The following ABCC4 variants were observed in gnomAD, a reference collection of about 807,000 sequenced individuals.
ABCC4 encodes the protein ATP-binding cassette sub-family C member 4.
Under a neutral mutation model 168.5 loss-of-function variants are expected in ABCC4, and 102 were observed. The ratio of observed to expected loss-of-function variants is 0.61; its 90% CI spans 0.52 to 0.71. ABCC4 has a LOEUF of 0.71. Among genes scored for constraint, ABCC4 ranks in the 30% least tolerant of loss-of-function variants. The probability of loss-of-function intolerance (pLI) is 0.00; values close to 1 mark genes in which losing one functional copy is unlikely to be tolerated. For missense variants in ABCC4, 1,402 were observed against 1,605.8 expected, an observed-to-expected ratio of 0.87 and a Z score of 2.17; for synonymous variants, 617 against 590.7, an observed-to-expected ratio of 1.04 and a Z score of -0.65.
At chr13:95,142,904 T>C (rs964539109) in intron 19 of ABCC4, among the ~76,000 whole-genome samples, 2 of 152,050 alleles carry the variant, frequency 1.3e-5, no homozygotes. Context: ...AAAAATATAA[T>C]AATAAGAAGA....
In ABCC4 at chr13:95,019,963, A is replaced by G. The variant is rs1465621270; in HGVS notation, c.*1612T>C. On this transcript the variant is annotated 3_prime_UTR_variant, in exon 31 of 31. Transcript: ENST00000645237. ...CTCAAAAGTCCAAATAAACATATAG[A>G]CATTTTGAATATAGCTATCGTTTTA... is the stretch of plus-strand genomic sequence containing the variant. 6.6e-6 allele frequency: 1 copy of G among 152,250 alleles called. No homozygotes were observed. Among genetic ancestry groups the G allele is most frequent in the East Asian group, 1.9e-4 (1 of 5,202 alleles). 9.4% of individuals were successfully genotyped at this position (152,250 alleles called of 1,614,324 possible). A position where few individuals can be genotyped will look rare whatever the true frequency, so the allele number is the denominator to read the frequency against.
chr13:95,021,376 A>G lies in ABCC4; in HGVS notation c.*199T>C, dbSNP rs1413082189. On this transcript the variant is annotated 3_prime_UTR_variant, in exon 31 of 31. Transcript: ENST00000645237. ...CCTCTGATTTGGATTTTAAAAAACA[A>G]CTATTGACATTTAAATAAAAATAAA... 21 of 514,238 alleles carry G rather than the reference A, an allele frequency of 4.1e-5. No homozygotes were observed. The highest frequency in any genetic ancestry group is 7.2e-5 in the Admixed American group (2 of 27,698). The allele number at this position is 514,238 out of a possible 1,614,324, so 31.9% of individuals were successfully genotyped here. A position where few individuals can be genotyped will look rare whatever the true frequency, so the allele number is the denominator to read the frequency against.
At chr13:95,155,437 C>T (rs1320544795) in intron 19 of ABCC4, among the ~76,000 whole-genome samples, 1 of 151,972 alleles carries the variant, frequency 6.6e-6, no homozygotes, top group Non-Finnish European at 1.5e-5. Flanking sequence ...TACTAGCATT[C>T]GCATTCCATA....
intron 4 of ABCC4, among the ~76,000 whole-genome samples, chr13:95,221,301 T>C (rs1353234264): frequency 6.6e-6 from 1 of 152,188 alleles, no homozygotes; most frequent in Non-Finnish European, 1.5e-5. Flanking sequence ...CAATCATGGC[T>C]CACTGAAGCC....
intron 26 of ABCC4, among the ~76,000 whole-genome samples, chr13:95,059,960 A>C (rs2033222126): frequency 6.6e-6 from 1 of 152,228 alleles, no homozygotes; most frequent in South Asian, 2.1e-4. Context: ...AAGTGACTTC[A>C]TTGAGGTCAC....
chr13:95,236,229 T>C (rs2039763934), intron 3 of ABCC4, among the ~76,000 whole-genome samples: 1 of 152,140 alleles, frequency 6.6e-6, no homozygotes, highest in African/African-American at 2.4e-5. Flanking sequence ...TCATTGCAAA[T>C]CCAGGTCACC....
rs140835394 is a variant in ABCC4, at chr13:95,188,517, C to A, written c.1289G>T (p.Gly430Val). ...GCCAGGTCTGACAGTAAAGGAAAGG[C>A]CTTGTAGAGTTGGGGTCTCTGATGC... ...DKASETPTLQ[G>V]LSFTVRPGEL... is the part of the protein sequence containing the mutation. Residue 430 changes from glycine (G) to valine (V), a missense_variant, in exon 10 of 31, where the codon GGC becomes GTC. Gly to Val is a moderately radical substitution (Grantham distance 109). Around this residue, in one of 3 missense-constraint regions of ABCC4, gnomAD observed 1,007 missense variants for 1,127.3 expected, o/e 0.89. Transcript: ENST00000645237. The A allele has an allele frequency of 1.9e-6, 3 of 1,613,530 alleles. No individual in the cohort carries two copies. Among genetic ancestry groups the A allele is most frequent in the Non-Finnish European group, 2.5e-6 (3 of 1,179,558 alleles).
intron 19 of ABCC4, among the ~76,000 whole-genome samples, chr13:95,159,131 AT>A (rs1300801362): frequency 9.2e-5 from 12 of 130,318 alleles, no homozygotes; most frequent in African/African-American, 3.2e-4. Flanking sequence ...ATATATATAT[AT>A]AACTATTGAA....
intron 1 of ABCC4, among the ~76,000 whole-genome samples, chr13:95,285,720 G>A (rs1176164574): frequency 6.6e-6 from 1 of 152,106 alleles, no homozygotes; most frequent in Non-Finnish European, 1.5e-5. Context: ...GTGTGATCAG[G>A]GGAAAGGCAT....
chr13:95,125,333 C>T (rs990394614), intron 19 of ABCC4, among the ~76,000 whole-genome samples: 9 of 152,160 alleles, frequency 5.9e-5, no homozygotes, highest in African/African-American at 2.2e-4. Flanking sequence ...CCAAAGCAGC[C>T]GCTGACAGCC....
chr13:95,093,553 A>C (rs2034501405), intron 20 of ABCC4, among the ~76,000 whole-genome samples: 1 of 152,190 alleles, frequency 6.6e-6, no homozygotes, highest in Admixed American at 6.5e-5. Flanking sequence ...CAATGTAATA[A>C]AAGCCATCTA....
chr13:95,159,940 C>T (rs909415190), intron 19 of ABCC4, among the ~76,000 whole-genome samples: 1 of 152,190 alleles, frequency 6.6e-6, no homozygotes, highest in Non-Finnish European at 1.5e-5. Flanking sequence ...CACTAACATT[C>T]GTTAGGCACT....
intron 8 of ABCC4, among the ~76,000 whole-genome samples, chr13:95,204,963 C>T (rs2038738942): frequency 6.6e-6 from 1 of 152,200 alleles, no homozygotes; most frequent in Non-Finnish European, 1.5e-5. Flanking sequence ...GCACAATACA[C>T]ATGTGGCCCT....
At chr13:95,215,755 C>T (rs4773847) in intron 4 of ABCC4, among the ~76,000 whole-genome samples, 113,409 of 152,122 alleles carry the variant, frequency 0.75, 43,081 homozygotes, top group Non-Finnish European at 0.84. Flanking sequence ...TCAAAGATGA[C>T]ATCATAAGGG....
At chr13:95,292,917 G>A (rs906275065) in intron 1 of ABCC4, among the ~76,000 whole-genome samples, 1 of 152,166 alleles carries the variant, frequency 6.6e-6, no homozygotes. Flanking sequence ...GGCTGGAAGT[G>A]GGAGAAGCAA....
chr13:95,195,659 G>C (rs963407146), intron 8 of ABCC4, among the ~76,000 whole-genome samples: 1 of 152,040 alleles, frequency 6.6e-6, no homozygotes, highest in African/African-American at 2.4e-5. Context: ...TTTTGAGACA[G>C]AGTCTCACTC....
chr13:95,230,216 A>C (rs2138743327), intron 4 of ABCC4, among the ~76,000 whole-genome samples: 1 of 152,362 alleles, frequency 6.6e-6, no homozygotes, highest in Admixed American at 6.5e-5. Flanking sequence ...AATAACACAG[A>C]GTTCCGAGGA....
At chr13:95,254,937 C>T (rs939973041) in intron 1 of ABCC4, among the ~76,000 whole-genome samples, 6 of 152,136 alleles carry the variant, frequency 3.9e-5, no homozygotes, top group African/African-American at 1.2e-4. Context: ...AGATTTGTCA[C>T]GTGAATGAAC....
intron 1 of ABCC4, among the ~76,000 whole-genome samples, chr13:95,263,873 C>A (rs1338569370): frequency 6.6e-6 from 1 of 151,824 alleles, no homozygotes; most frequent in African/African-American, 2.4e-5. Flanking sequence ...AATATAGTAT[C>A]CACTTATGAA....
Sources: gnomAD v4.1 joint callset for allele counts (sites outside exome capture counted in the v4.1 genomes callset) on GRCh38, gnomAD v4.1.1 for gene constraint, gnomAD v4.1.1 regional missense constraint, MANE v1.5 for transcripts, NCBI Gene and HGNC (gene_info 2026-07-23, HGNC 2026-07-21) for gene names.